The following THSD7B variants were observed in gnomAD, a reference collection of about 807,000 sequenced individuals.
THSD7B encodes thrombospondin type-1 domain-containing protein 7B.
THSD7B carries 138 observed loss-of-function variants against 213.6 expected under a neutral mutation model. The ratio of observed to expected loss-of-function variants is 0.65; its 90% CI spans 0.56 to 0.74. The LOEUF (loss-of-function observed/expected upper bound fraction) is 0.74, where lower values mean the gene tolerates loss of function less well. Among genes scored for constraint, THSD7B ranks in the 30% least tolerant of loss-of-function variants. THSD7B has a pLI of 0.00. For synonymous variants in THSD7B, 742 were observed against 687.0 expected (o/e 1.08, Z -1.25); for missense variants, 1,931 against 1,991.5 (o/e 0.97, Z 0.58).
At chr2:136,923,182 C>T (rs1478012243) in intron 2 of THSD7B, among the ~76,000 whole-genome samples, 1 of 152,176 alleles carries the variant, frequency 6.6e-6, no homozygotes, top group Non-Finnish European at 1.5e-5. Flanking sequence ...ACCGCTTTAG[C>T]TACTTCATAT....
chr2:136,815,116 A>C (rs573262994), intron 1 of THSD7B, among the ~76,000 whole-genome samples: 1 of 152,220 alleles, frequency 6.6e-6, no homozygotes, highest in African/African-American at 2.4e-5. Flanking sequence ...AATATTTACT[A>C]TCTGGCTGTT....
chr2:137,030,068 T>C (rs927056822), intron 2 of THSD7B, among the ~76,000 whole-genome samples: 6 of 151,894 alleles, frequency 4.0e-5, no homozygotes, highest in Non-Finnish European at 8.8e-5. Context: ...ATCAAATATA[T>C]CAAGATAATC....
At chr2:137,068,016 T>C (rs1687412947) in intron 3 of THSD7B, among the ~76,000 whole-genome samples, 1 of 152,098 alleles carries the variant, frequency 6.6e-6, no homozygotes, top group Admixed American at 6.6e-5. Flanking sequence ...TTTAAGTTTT[T>C]CTACTCTGGT....
At chr2:136,869,407 T>C (rs1466812156) in intron 1 of THSD7B, among the ~76,000 whole-genome samples, 3 of 152,202 alleles carry the variant, frequency 2.0e-5, no homozygotes, top group African/African-American at 7.2e-5. Flanking sequence ...TAATTTCCAT[T>C]TGTCTGTAAA....
At chr2:137,423,093 T>G (rs1311055829) in intron 14 of THSD7B, among the ~76,000 whole-genome samples, 1 of 152,114 alleles carries the variant, frequency 6.6e-6, no homozygotes, top group African/African-American at 2.4e-5. Context: ...AACAAATGGT[T>G]TTTAATTAAT....
intron 2 of THSD7B, among the ~76,000 whole-genome samples, chr2:137,035,625 G>A (rs144324618): frequency 3.3e-5 from 5 of 151,964 alleles, no homozygotes; most frequent in Non-Finnish European, 7.4e-5. Context: ...CATGATAGGT[G>A]GTAGAATGAA....
chr2:137,512,555 C>T (rs1451408296), intron 15 of THSD7B, among the ~76,000 whole-genome samples: 1 of 151,740 alleles, frequency 6.6e-6, no homozygotes, highest in Non-Finnish European at 1.5e-5. Context: ...CCACTCTCAG[C>T]TAATTTTTTG....
chr2:137,303,885 T>A (rs1683675963), intron 12 of THSD7B, among the ~76,000 whole-genome samples: 1 of 151,056 alleles, frequency 6.6e-6, no homozygotes, highest in Non-Finnish European at 1.5e-5. Context: ...GGTATACACG[T>A]GCCATGGTGG....
chr2:137,576,247 T>C (rs1256014612), intron 17 of THSD7B, among the ~76,000 whole-genome samples: 1 of 152,128 alleles, frequency 6.6e-6, no homozygotes, highest in African/African-American at 2.4e-5. Context: ...ATAGGACAAG[T>C]GTATTGGAAG....
intron 1 of THSD7B, among the ~76,000 whole-genome samples, chr2:136,844,744 G>C (rs1271988416): frequency 1.3e-5 from 2 of 152,212 alleles, no homozygotes; most frequent in Non-Finnish European, 2.9e-5. Context: ...CTTTCAATCT[G>C]TCTTAGCTAC....
intron 5 of THSD7B, among the ~76,000 whole-genome samples, chr2:137,129,466 G>GTC (rs1479169734): frequency 6.6e-6 from 1 of 151,120 alleles, no homozygotes; most frequent in African/African-American, 2.4e-5. Flanking sequence ...TTAAGACAGA[G>GTC]TCTCACTCTG....
At chr2:136,890,620 A>C (rs1420336384) in intron 2 of THSD7B, among the ~76,000 whole-genome samples, 1 of 125,536 alleles carries the variant, frequency 8.0e-6, no homozygotes, top group African/African-American at 3.1e-5. Flanking sequence ...GCTCACTGCA[A>C]CCTCCACCTC....
At chr2:136,794,539 C>G (rs1471631466) in intron 1 of THSD7B, among the ~76,000 whole-genome samples, 1 of 151,784 alleles carries the variant, frequency 6.6e-6, no homozygotes, top group East Asian at 1.9e-4. Context: ...TAAATCAATT[C>G]CGCTGGGGGC....
intron 12 of THSD7B, among the ~76,000 whole-genome samples, chr2:137,296,425 G>C (rs934526239): frequency 3.9e-5 from 6 of 152,128 alleles, no homozygotes; most frequent in African/African-American, 1.4e-4. Context: ...TACATCTAAG[G>C]GGCTAACATA....
At chr2:136,990,415 G>C (rs1321478415) in intron 2 of THSD7B, among the ~76,000 whole-genome samples, 1 of 152,150 alleles carries the variant, frequency 6.6e-6, no homozygotes, top group Non-Finnish European at 1.5e-5. Flanking sequence ...GAGTGGCCGA[G>C]AGTCAGGAAA....
At chr2:136,772,990 A>G (rs1681535192) in intron 1 of THSD7B, among the ~76,000 whole-genome samples, 1 of 152,106 alleles carries the variant, frequency 6.6e-6, no homozygotes, top group African/African-American at 2.4e-5. Flanking sequence ...GCAGAATCAT[A>G]TAGGAAGAAG....
At chr2:137,203,259 G>A (rs555517337) in intron 7 of THSD7B, among the ~76,000 whole-genome samples, 23 of 152,052 alleles carry the variant, frequency 1.5e-4, no homozygotes, top group African/African-American at 3.9e-4. Flanking sequence ...AATAAAATGA[G>A]AACTCTTATC....
At chr2:137,546,403 A>T (rs1172692508) in intron 15 of THSD7B, among the ~76,000 whole-genome samples, 1 of 42,822 alleles carries the variant, frequency 2.3e-5, no homozygotes, top group Non-Finnish European at 3.6e-5. Flanking sequence ...TATTATATAT[A>T]TTATATATAT....
At chr2:137,459,497 C>T (rs1452187881) in intron 15 of THSD7B, among the ~76,000 whole-genome samples, 1 of 152,000 alleles carries the variant, frequency 6.6e-6, no homozygotes, top group Admixed American at 6.6e-5. Context: ...GAAACCCCAT[C>T]TCTACTAAAA....
Sources: gnomAD v4.1 joint callset for allele counts (sites outside exome capture counted in the v4.1 genomes callset) on GRCh38, gnomAD v4.1.1 for gene constraint, MANE v1.5 for transcripts, NCBI Gene and HGNC (gene_info 2026-07-23, HGNC 2026-07-21) for gene names.